GK5: variants seen among roughly 807,000 people sequenced by gnomAD.
The protein encoded by GK5 is ATP:glycerol 3-phosphotransferase 5.
A neutral mutation model predicts 77.3 loss-of-function variants in GK5; 39 were observed. The observed-to-expected ratio is 0.50, with a 90% CI of 0.39 to 0.66. The LOEUF is 0.66. GK5 is among the 30% of genes least tolerant of loss of function. The pLI is 0.00. For synonymous variants in GK5, 211 were observed against 208.0 expected (o/e 1.01, Z -0.13); for missense variants, 487 against 633.8 (o/e 0.77, Z 2.49).
At position 142,162,995 on chromosome 3, in the gene GK5, C is replaced by CAAAAAAAAAAAAAAAAAAA. The variant is rs58034877; in HGVS notation, c.*2626_*2627insTTTTTTTTTTTTTTTTTTT. 1 of 93,798 alleles carries CAAAAAAAAAAAAAAAAAAA rather than the reference C, an allele frequency of 1.1e-5. No individual in the cohort carries two copies. The highest frequency in any genetic ancestry group is 3.7e-5 in the African/African-American group (1 of 26,992). The allele number at this position is 93,798 out of a possible 1,614,324, so 5.8% of individuals were successfully genotyped here. ...TGGGCAACAGAGCATGACAATGTCTCAAAAAAAAAAAAAAAAAAGAAAGGA... is the reference window on the plus strand; with the variant it reads ...TGGGCAACAGAGCATGACAATGTCTCAAAAAAAAAAAAAAAAAAAAAAAAAAAAAAAAAAAAAGAAAGGA... On this transcript the variant is annotated 3_prime_UTR_variant, in exon 16 of 16. Coordinates refer to ENST00000392993, the MANE Select transcript of GK5 (RefSeq NM_001039547.3).
At chr3:142,220,102 G>T (rs1237118289) in intron 1 of GK5, among the ~76,000 whole-genome samples, 1 of 152,194 alleles carries the variant, frequency 6.6e-6, no homozygotes, top group East Asian at 1.9e-4. Context: ...AATGCACAAG[G>T]ACAAAGAGAA....
intron 3 of GK5, among the ~76,000 whole-genome samples, chr3:142,207,509 C>T (rs979308840): frequency 7.2e-5 from 11 of 152,132 alleles, no homozygotes; most frequent in Non-Finnish European, 1.6e-4. Context: ...ATTGTAAATT[C>T]TTATCTCTGT....
At position 142,177,502 on chromosome 3, in the gene GK5, G is replaced by A; in HGVS notation, c.1123C>T (p.Pro375Ser). ...CATACCTGTAATCCACTAAAAGATG[G>A]AACAAAACAAACTCCTTCAGAATCC... ...LEDSEGVCFVPSFSGLQAPLN... is the reference protein window; with the variant it reads ...LEDSEGVCFVSSFSGLQAPLN... The change falls in exon 12 of 16, where the codon CCA (proline) becomes TCA (serine). Residue 375 changes from proline (P) to serine (S), a missense_variant. By Grantham distance (74) the Pro-to-Ser change is moderately conservative. Around this residue, in one of 4 missense-constraint regions of GK5, gnomAD observed 323 missense variants for 437.4 expected, o/e 0.74. Transcript: ENST00000392993. 2 of 1,607,916 alleles carry A rather than the reference G, an allele frequency of 1.2e-6. No individual in the cohort carries two copies. Among genetic ancestry groups the A allele is most frequent in the African/African-American group, 1.3e-5 (1 of 74,854 alleles).
intron 5 of GK5, among the ~76,000 whole-genome samples, chr3:142,192,292 T>C (rs537675848): frequency 1.3e-5 from 2 of 152,348 alleles, no homozygotes; most frequent in South Asian, 4.1e-4. Context: ...CTTTGGAGGA[T>C]AGCTTGATAG....
At chr3:142,170,905 C>A (rs1298107689) in intron 14 of GK5, among the ~76,000 whole-genome samples, 5 of 152,122 alleles carry the variant, frequency 3.3e-5, no homozygotes, top group African/African-American at 1.2e-4. Flanking sequence ...ACAATTAGCT[C>A]TCCTTTCCTC....
chr3:142,177,478 A>G lies in GK5; in HGVS notation c.1143+4T>C, dbSNP rs1222130536. ...GATTGCCATTAACTTTAAAAAATAC[A>G]TACCTGTAATCCACTAAAAGATGGA... is the stretch of plus-strand genomic sequence containing the variant. On this transcript the variant is annotated splice_donor_region_variant and intron_variant, in intron 12 of 15. Coordinates refer to ENST00000392993, the MANE Select transcript of GK5 (RefSeq NM_001039547.3). 1 of 1,543,126 alleles carries G rather than the reference A, an allele frequency of 6.5e-7. No homozygotes were observed. Among genetic ancestry groups the G allele is most frequent in the East Asian group, 2.2e-5 (1 of 44,504 alleles).
rs2063715614 is a variant in GK5 at position 142,182,856 on chromosome 3, T to A, written c.943+67A>T. 3 of 1,088,508 alleles carry A rather than the reference T, an allele frequency of 2.8e-6. No individual in the cohort carries two copies. In the South Asian group the frequency reaches 4.4e-5, roughly 16 times the overall value. 67.4% of individuals were successfully genotyped at this position (1,088,508 alleles called of 1,614,324 possible). On this transcript the variant is annotated intron_variant, in intron 10 of 15. Coordinates refer to ENST00000392993, the MANE Select transcript of GK5 (RefSeq NM_001039547.3). The stretch of plus-strand genomic sequence containing the variant: ...ACAAAATGGGAAAATAGTATAAGTA[T>A]CACAGAAGTTAAATATGAACAGAAG...
chr3:142,177,975 C>T (rs1175380521), intron 11 of GK5, among the ~76,000 whole-genome samples: 1 of 151,644 alleles, frequency 6.6e-6, no homozygotes, highest in Non-Finnish European at 1.5e-5. Flanking sequence ...TCTCCTGCCT[C>T]AGCCTCCCAA....
chr3:142,166,718 AG>A (rs2063476495), intron 15 of GK5, among the ~76,000 whole-genome samples: 1 of 152,150 alleles, frequency 6.6e-6, no homozygotes, highest in African/African-American at 2.4e-5. Flanking sequence ...TACTTTTAGT[AG>A]AGACGTGGTT....
At chr3:142,188,912 C>T (rs1170424827) in intron 5 of GK5, among the ~76,000 whole-genome samples, 2 of 152,204 alleles carry the variant, frequency 1.3e-5, no homozygotes, top group African/African-American at 4.8e-5. Flanking sequence ...AGCAGAGAAA[C>T]TGAAATGCCT....
At chr3:142,191,432 C>G (rs1270016553) in intron 5 of GK5, among the ~76,000 whole-genome samples, 1 of 152,180 alleles carries the variant, frequency 6.6e-6, no homozygotes, top group African/African-American at 2.4e-5. Flanking sequence ...GGGCTAGGTG[C>G]GATAGCTCAC....
At position 142,204,596 on chromosome 3, in the gene GK5, T is replaced by C. The variant is rs558252867; in HGVS notation, c.411+99A>G. ...TGGGGAGTGTGTGCGTATGTCTTCTTAATGTCCTAAAACAAAATAGGTAGG... is the reference window on the plus strand; with the variant it reads ...TGGGGAGTGTGTGCGTATGTCTTCTCAATGTCCTAAAACAAAATAGGTAGG... On this transcript the variant is annotated intron_variant, in intron 4 of 15. Coordinates refer to ENST00000392993, the MANE Select transcript of GK5 (RefSeq NM_001039547.3). 3 of 793,670 alleles carry C rather than the reference T, an allele frequency of 3.8e-6. No individual in the cohort carries two copies. In the East Asian group the frequency reaches 7.4e-5, roughly 20 times the overall value. 49.2% of individuals were successfully genotyped at this position (793,670 alleles called of 1,614,324 possible).
At position 142,160,344 on chromosome 3, in the gene GK5, G is replaced by C. The variant is rs1189618201; in HGVS notation, c.*5278C>G. ...AGTCTAAATTTCCCAAAGGGATTCA[G>C]AATCCTTTGGGGTACATTCAAGTCT... On this transcript the variant is annotated 3_prime_UTR_variant, in exon 16 of 16. Transcript: ENST00000392993. 2.6e-5 allele frequency: 4 copies of C among 152,212 alleles called. No homozygotes were observed. Among genetic ancestry groups the C allele is most frequent in the East Asian group, 1.9e-4 (1 of 5,202 alleles). 9.4% of individuals were successfully genotyped at this position (152,212 alleles called of 1,614,324 possible).
At chr3:142,192,964 A>G (rs1235856713) in intron 5 of GK5, among the ~76,000 whole-genome samples, 1 of 152,150 alleles carries the variant, frequency 6.6e-6, no homozygotes, top group African/African-American at 2.4e-5. Flanking sequence ...GGAAAATACA[A>G]AGCTAGAGAC....
rs563970101 is a variant in GK5, at chr3:142,170,377, G to A, written c.1389C>T (p.Ala463=). 17 of 1,613,816 alleles carry A rather than the reference G, an allele frequency of 1.1e-5. No homozygotes were observed. The highest frequency in any genetic ancestry group is 6.6e-5 in the South Asian group (6 of 91,084). Residue 463 remains alanine (A), a synonymous_variant, in exon 15 of 16, where the codon GCC becomes GCT. Coordinates refer to ENST00000392993, the MANE Select transcript of GK5 (RefSeq NM_001039547.3). ...DLINENIDRP[A]DIDMSCLGAA... ...CACCCAGGCATGACATGTCAATGTCGGCAGGTCTGTCTATATTCTCATTAA... is the reference window on the plus strand; with the variant it reads ...CACCCAGGCATGACATGTCAATGTCAGCAGGTCTGTCTATATTCTCATTAA...
intron 5 of GK5, among the ~76,000 whole-genome samples, chr3:142,192,480 T>G (rs1383884590): frequency 6.6e-6 from 1 of 152,180 alleles, no homozygotes; most frequent in African/African-American, 2.4e-5. Flanking sequence ...GGTAACTGGA[T>G]AGGCCAGGCA....
chr3:142,211,493 G>A (rs1441528928), intron 3 of GK5, among the ~76,000 whole-genome samples: 2 of 151,830 alleles, frequency 1.3e-5, no homozygotes, highest in Non-Finnish European at 2.9e-5. Context: ...AGCATGTCCT[G>A]AAAAAAAAGA....
chr3:142,188,775 T>C (rs376464553), intron 5 of GK5, among the ~76,000 whole-genome samples: 1 of 152,232 alleles, frequency 6.6e-6, no homozygotes, highest in East Asian at 1.9e-4. Flanking sequence ...GCTGCTTTCA[T>C]GGCAGAGTGG....
chr3:142,208,117 T>TTTCAGACA (rs1430976396), intron 3 of GK5, among the ~76,000 whole-genome samples: 1 of 152,228 alleles, frequency 6.6e-6, no homozygotes, highest in Non-Finnish European at 1.5e-5. Context: ...GACTAAATTT[T>TTTCAGACA]TTCAGACATT....
Sources: allele counts gnomAD v4.1 joint callset (sites outside exome capture counted in the v4.1 genomes callset), GRCh38; gene constraint gnomAD v4.1.1; regional missense constraint gnomAD v4.1.1; transcripts MANE v1.5; gene names NCBI Gene and HGNC (gene_info 2026-07-23, HGNC 2026-07-21).